The following SUCLG1 variants were observed in gnomAD, a reference collection of about 807,000 sequenced individuals.
The protein encoded by SUCLG1 is succinate--CoA ligase [ADP/GDP-forming] subunit alpha, mitochondrial.
SUCLG1 carries 26 observed loss-of-function variants against 37.3 expected under a neutral mutation model. That is an observed-to-expected ratio of 0.70 (90% CI 0.51 to 0.97). SUCLG1 has a LOEUF of 0.97. SUCLG1 is among the 50% of genes least tolerant of loss of function. The pLI, the probability that SUCLG1 is intolerant of heterozygous loss-of-function variation, is 0.00. For synonymous variants in SUCLG1, 163 were observed against 155.6 expected (o/e 1.05, Z -0.36); for missense variants, 433 against 432.9 (o/e 1.00, Z 0.00).
intron 3 of SUCLG1, among the ~76,000 whole-genome samples, chr2:84,442,411 A>C (rs1672788095): frequency 6.6e-6 from 1 of 152,200 alleles, no homozygotes; most frequent in Non-Finnish European, 1.5e-5. Flanking sequence ...CAAAGAACTA[A>C]GTTTATTTCC....
chr2:84,436,747 C>A (rs1672692182), intron 5 of SUCLG1, among the ~76,000 whole-genome samples: 1 of 152,228 alleles, frequency 6.6e-6, no homozygotes, highest in Non-Finnish European at 1.5e-5. Flanking sequence ...CTCCTACCAC[C>A]TGGTTCAGTA....
intron 8 of SUCLG1, among the ~76,000 whole-genome samples, chr2:84,423,979 C>T (rs1457598677): frequency 2.6e-5 from 4 of 152,168 alleles, no homozygotes; most frequent in Non-Finnish European, 4.4e-5. Context: ...CTGAATTTCA[C>T]GAAACAGATG....
chr2:84,452,972 T>A (rs1030974349), intron 1 of SUCLG1, among the ~76,000 whole-genome samples: 3 of 152,246 alleles, frequency 2.0e-5, no homozygotes, highest in African/African-American at 7.2e-5. Flanking sequence ...AAGAACCCTA[T>A]ATCTATTTTT....
rs1182738192 is a variant in SUCLG1 at position 84,446,625 on chromosome 2, C to T, written c.201+3024G>A. 4.0e-5 allele frequency among the ~76,000 whole-genome samples: 6 copies of T among 151,696 alleles called. No homozygotes were observed. In the East Asian group the frequency reaches 5.8e-4, roughly 15 times the overall value. ...GTGCTCTCTCTCTCTTAAAGCAGTG[C>T]TATTCAAAGTATAGTTTGGAGACTC... On this transcript the variant is annotated intron_variant, in intron 2 of 8. Coordinates refer to ENST00000393868, the MANE Select transcript of SUCLG1 (RefSeq NM_003849.4).
chr2:84,431,678 A>G lies in SUCLG1; in HGVS notation c.674-19T>C. The G allele has an allele frequency of 6.2e-7, 1 of 1,613,602 alleles. No individual in the cohort carries two copies. The highest frequency in any genetic ancestry group is 8.5e-7 in the Non-Finnish European group (1 of 1,179,756). On this transcript the variant is annotated intron_variant, in intron 6 of 8. Coordinates refer to ENST00000393868, the MANE Select transcript of SUCLG1 (RefSeq NM_003849.4). Reference sequence around the variant, plus strand: ...CCAATGCCTGAAAAAGTTGAAAAATATCAATAGCTGGAAATTTAAGGGTGA... The same window carrying G: ...CCAATGCCTGAAAAAGTTGAAAAATGTCAATAGCTGGAAATTTAAGGGTGA...
rs563821789 is a variant in SUCLG1, at chr2:84,444,995, TACAA to T, written c.202-1599_202-1596del. On this transcript the variant is annotated intron_variant, in intron 2 of 8. Transcript: ENST00000393868. ...TCATATTGTTCAAACACACATGCTC[TACAA>T]ACAATTTGTGCAGTTAATGCAATCA... is the stretch of plus-strand genomic sequence containing the variant. 6.5e-3 allele frequency among the ~76,000 whole-genome samples: 993 copies of T among 152,340 alleles called. 8 individuals carry two copies. Among genetic ancestry groups the T allele is most frequent in the African/African-American group, 0.022 (905 of 41,570 alleles).
At chr2:84,452,058 A>T (rs1301781081) in intron 1 of SUCLG1, among the ~76,000 whole-genome samples, 3 of 152,160 alleles carry the variant, frequency 2.0e-5, no homozygotes, top group Non-Finnish European at 4.4e-5. Flanking sequence ...ACCCATACCA[A>T]GCCATAATGT....
In SUCLG1 at chr2:84,441,416, G is replaced by A. The variant is rs1012182134; in HGVS notation, c.362C>T (p.Pro121Leu). Reference protein sequence around the residue: ...TGATASVIYVPPPFAAAAINE... With the variant: ...TGATASVIYVLPPFAAAAINE... ...AATGGCAGCAGCAGCAAAAGGCGGA[G>A]GAACATAAATGACAGAAGCCGTTGC... is the stretch of plus-strand genomic sequence containing the variant. The change falls in exon 4 of 9, where the codon CCT (proline) becomes CTT (leucine). Residue 121 changes from proline (P) to leucine (L), a missense_variant. By Grantham distance (98) the Pro-to-Leu change is moderately conservative (BLOSUM62 -3). Coordinates refer to ENST00000393868, the MANE Select transcript of SUCLG1 (RefSeq NM_003849.4). 1.2e-6 allele frequency: 2 copies of A among 1,614,138 alleles called. No homozygotes were observed. Among genetic ancestry groups the A allele is most frequent in the African/African-American group, 1.3e-5 (1 of 75,028 alleles).
Position 84,433,371 on chromosome 2 carries a change from C to T in SUCLG1, c.654G>A (p.Leu218=), listed in dbSNP as rs979571763. The change falls in exon 6 of 9, where the codon TTG becomes TTA. Residue 218 remains leucine, a synonymous_variant. Transcript: ENST00000393868. ...CCTCACCAACGCACAAAGACTGCCC[C>T]AATCCAACTTGCGTTGTTTGGTGAA... The part of the protein sequence containing the change: ...EAVHQTTQVG[L]GQSLCVGIGG... The T allele has an allele frequency of 2.0e-5, 32 of 1,613,840 alleles. No homozygotes were observed. Among genetic ancestry groups the T allele is most frequent in the Non-Finnish European group, 2.5e-5 (30 of 1,179,900 alleles).
chr2:84,428,601 T>G (rs1195497772), intron 7 of SUCLG1, among the ~76,000 whole-genome samples: 1 of 152,264 alleles, frequency 6.6e-6, no homozygotes, highest in Non-Finnish European at 1.5e-5. Flanking sequence ...AAGACTTTGT[T>G]GAGCCTAGAA....
intron 5 of SUCLG1, among the ~76,000 whole-genome samples, chr2:84,437,854 A>C (rs150224575): frequency 6.6e-6 from 1 of 152,370 alleles, no homozygotes; most frequent in Non-Finnish European, 1.5e-5. Context: ...ACTGAAGTAC[A>C]TTCATACCAT....
chr2:84,427,173 G>A (rs1044388759), intron 7 of SUCLG1, among the ~76,000 whole-genome samples: 9 of 152,160 alleles, frequency 5.9e-5, no homozygotes, highest in Admixed American at 5.9e-4. Flanking sequence ...TTAAGCTGAA[G>A]TATAAAAGGA....
chr2:84,431,246 G>A (rs746859788), intron 7 of SUCLG1, among the ~76,000 whole-genome samples: 9 of 152,194 alleles, frequency 5.9e-5, no homozygotes, highest in South Asian at 2.1e-4. Context: ...TGGCCTGAAT[G>A]TATCTGTTCA....
At chr2:84,437,463 C>T (rs1045676472) in intron 5 of SUCLG1, among the ~76,000 whole-genome samples, 3 of 152,004 alleles carry the variant, frequency 2.0e-5, no homozygotes, top group Admixed American at 6.6e-5. Flanking sequence ...AGCCATTAGG[C>T]GAATACAAAT....
At chr2:84,439,760 G>A (rs989809957) in intron 5 of SUCLG1, among the ~76,000 whole-genome samples, 1 of 152,276 alleles carries the variant, frequency 6.6e-6, no homozygotes, top group African/African-American at 2.4e-5. Context: ...AAATTTTGGT[G>A]TAAAGCCTAA....
intron 8 of SUCLG1, 85 bp from the exon 9 acceptor site, chr2:84,423,857 G>A: frequency 1.4e-6 from 2 of 1,399,932 alleles, no homozygotes; most frequent in Non-Finnish European, 2.0e-6. Flanking sequence ...AAATGATTTT[G>A]AAACCTATTA....
rs1470038251 is a variant in SUCLG1, at chr2:84,459,180, G to A, written c.90C>T (p.Ser30=). 5.2e-6 allele frequency: 8 copies of A among 1,549,634 alleles called. No homozygotes were observed. In the South Asian group the frequency reaches 7.1e-5, roughly 14 times the overall value. ...GLAAARLLSR[S]FLLPQNGIRH... is the part of the protein sequence containing the mutation. ...AGTACTGGCTGGACTCACGGAGGAAGCTGCGCGACAGGAGACGGGCGGCGG... is the reference window on the plus strand; with the variant it reads ...AGTACTGGCTGGACTCACGGAGGAAACTGCGCGACAGGAGACGGGCGGCGG... Residue 30 remains serine (S), a synonymous_variant, in exon 1 of 9, where the codon AGC becomes AGT. Coordinates refer to ENST00000393868, the MANE Select transcript of SUCLG1 (RefSeq NM_003849.4).
chr2:84,429,427 A>T lies in SUCLG1; in HGVS notation c.825+2081T>A, dbSNP rs773204780. Reference sequence around the variant, plus strand: ...CTGTACAACTTTCTGAACACAAGGGAATCTAACATTTTACTCCAATCCTTA... The same window carrying T: ...CTGTACAACTTTCTGAACACAAGGGTATCTAACATTTTACTCCAATCCTTA... On this transcript the variant is annotated intron_variant, in intron 7 of 8. Coordinates refer to ENST00000393868, the MANE Select transcript of SUCLG1 (RefSeq NM_003849.4). Among the ~76,000 whole-genome samples, 11 of 152,186 alleles carry T rather than the reference A, an allele frequency of 7.2e-5. 1 individual carries two copies. Among genetic ancestry groups the T allele is most frequent in the Admixed American group, 2.0e-4 (3 of 15,292 alleles).
intron 5 of SUCLG1, chr2:84,433,681 T>C: frequency 3.9e-6 from 2 of 517,688 alleles, no homozygotes; most frequent in Non-Finnish European, 6.9e-6. Context: ...TTTATGACTA[T>C]AAAAACAATG....
Sources: gnomAD v4.1 joint callset for allele counts (sites outside exome capture counted in the v4.1 genomes callset) on GRCh38, gnomAD v4.1.1 for gene constraint, MANE v1.5 for transcripts, NCBI Gene and HGNC (gene_info 2026-07-23, HGNC 2026-07-21) for gene names.